ESYT3: variants seen among roughly 807,000 people sequenced by gnomAD.
ESYT3 encodes extended synaptotagmin-3.
Under a neutral mutation model 111.5 loss-of-function variants are expected in ESYT3, and 101 were observed. The observed-to-expected ratio is 0.91, with a 90% CI of 0.77 to 1.07. The LOEUF is 1.07. Among genes scored for constraint, ESYT3 ranks in the 50% least tolerant of loss-of-function variants. The pLI is 0.00. For missense variants in ESYT3, 1,097 were observed against 1,109.4 expected (o/e 0.99, Z 0.16); for synonymous variants, 416 against 446.8 (o/e 0.93, Z 0.87).
At chr3:138,474,184 T>C (rs761155411) in intron 19 of ESYT3, 37 bp from the exon 20 acceptor site, 40 of 572,744 alleles carry the variant, frequency 7.0e-5, no homozygotes, top group South Asian at 7.4e-5. Context: ...ACCAGGGCCC[T>C]TTTTTTTTTT....
chr3:138,463,500 G>C (rs1428777168), intron 8 of ESYT3, among the ~76,000 whole-genome samples: 1 of 152,216 alleles, frequency 6.6e-6, no homozygotes, highest in African/African-American at 2.4e-5. Context: ...TTCACTATGG[G>C]AATGTACTGA....
At position 138,440,554 on chromosome 3, in the gene ESYT3, G is replaced by C. The variant is rs1479693162; in HGVS notation, c.327+5429G>C. Among the ~76,000 whole-genome samples, 1 of 152,184 alleles carries C rather than the reference G, an allele frequency of 6.6e-6. No homozygotes were observed. Among genetic ancestry groups the C allele is most frequent in the Non-Finnish European group, 1.5e-5 (1 of 68,032 alleles). ...CGTGGAACCTGATTTTAAACATCAG[G>C]ACTGGTTGGGTGCTGCTTGGAATTA... On this transcript the variant is annotated intron_variant, in intron 1 of 22. Transcript: ENST00000389567. The surrounding 1 kb of genome is among the most constrained non-coding windows in gnomAD (Gnocchi z 4.2).
intron 22 of ESYT3, 135 bp from the exon 23 acceptor site, chr3:138,476,683 C>G: frequency 9.1e-7 from 1 of 1,097,378 alleles, no homozygotes; most frequent in Non-Finnish European, 1.4e-6. Context: ...ACCCTGAACC[C>G]TGGCTGGCCA....
intron 1 of ESYT3, among the ~76,000 whole-genome samples, chr3:138,443,377 C>T (rs1246442330): frequency 1.3e-5 from 2 of 152,212 alleles, no homozygotes; most frequent in African/African-American, 2.4e-5. Flanking sequence ...AAAAAAAGGA[C>T]AAAGTCTGCG....
chr3:138,471,669 G>A (rs1479743421), intron 17 of ESYT3, among the ~76,000 whole-genome samples: 1 of 152,174 alleles, frequency 6.6e-6, no homozygotes, highest in Admixed American at 6.5e-5. Context: ...GCAAACATAT[G>A]TTCAGTGTTC....
At chr3:138,456,087 T>C (rs1358517882) in intron 3 of ESYT3, among the ~76,000 whole-genome samples, 1 of 152,276 alleles carries the variant, frequency 6.6e-6, no homozygotes, top group Non-Finnish European at 1.5e-5. Flanking sequence ...CTGCCAGCCC[T>C]TCCTGGCTAG....
chr3:138,467,071 C>T (rs1376094707), intron 10 of ESYT3, among the ~76,000 whole-genome samples: 1 of 152,136 alleles, frequency 6.6e-6, no homozygotes, highest in Non-Finnish European at 1.5e-5. Context: ...ATCCAAACTA[C>T]ATCACATGCC....
In ESYT3 at chr3:138,435,207, G is replaced by A. The variant is rs1268897431; in HGVS notation, c.327+82G>A. The A allele has an allele frequency of 2.2e-6, 3 of 1,367,670 alleles. No individual in the cohort carries two copies. The highest frequency in any genetic ancestry group is 2.3e-5 in the Admixed American group (1 of 43,460). The allele number at this position is 1,367,670 out of a possible 1,614,324, so 84.7% of individuals were successfully genotyped here. Reference sequence around the variant, plus strand: ...AACTTGCGGTCAGCGGGGAGCTGGTGCGCGCAAACCCGAGGCAGGGCGGGA... The same window carrying A: ...AACTTGCGGTCAGCGGGGAGCTGGTACGCGCAAACCCGAGGCAGGGCGGGA... On this transcript the variant is annotated intron_variant, in intron 1 of 22. Coordinates refer to ENST00000389567, the MANE Select transcript of ESYT3 (RefSeq NM_031913.5). The surrounding 1 kb of genome is among the most constrained non-coding windows in gnomAD (Gnocchi z 4.8).
At chr3:138,481,184 G>T (rs1035260825), downstream of ESYT3, 1 of 152,148 alleles carries the variant, frequency 6.6e-6, no homozygotes, top group East Asian at 1.9e-4. Flanking sequence ...TTCATAACAC[G>T]CAAAGAGCAC....
intron 9 of ESYT3, 77 bp downstream of exon 9, chr3:138,464,592 C>T: frequency 6.7e-7 from 1 of 1,485,816 alleles, no homozygotes; most frequent in African/African-American, 1.4e-5. Context: ...CAACACTAGG[C>T]AGGGAGTGGG....
At chr3:138,449,381 C>T (rs1017951735) in intron 1 of ESYT3, among the ~76,000 whole-genome samples, 3 of 152,118 alleles carry the variant, frequency 2.0e-5, no homozygotes, top group South Asian at 2.1e-4. Flanking sequence ...ACATAGTTCC[C>T]GGCCTTGCTT....
intron 22 of ESYT3, 81 bp from the exon 23 acceptor site, chr3:138,476,737 C>G: frequency 7.2e-7 from 1 of 1,398,238 alleles, no homozygotes; most frequent in East Asian, 2.3e-5. Context: ...GAGGCCCAGG[C>G]AGGCAGGACT....
chr3:138,472,586 C>G lies in ESYT3; in HGVS notation c.1964C>G (p.Thr655Ser). 1 of 1,614,240 alleles carries G rather than the reference C, an allele frequency of 6.2e-7. No individual in the cohort carries two copies. ...ACCACCAGTGCTACCACCGTTGCCA[C>G]TGAGCCCACATCCCAAGAGACAGGC... is the stretch of plus-strand genomic sequence containing the variant. ...TTTTSATTVATEPTSQETGPE... is the reference protein window; with the variant it reads ...TTTTSATTVASEPTSQETGPE... The change falls in exon 18 of 23, where the codon ACT becomes AGT. Residue 655 changes from threonine (T) to serine (S), a missense_variant. Transcript: ENST00000389567.
Position 138,473,643 on chromosome 3 carries a change from A to T in ESYT3, c.2336+9A>T, listed in dbSNP as rs1199047881. 1 of 1,611,644 alleles carries T rather than the reference A, an allele frequency of 6.2e-7. No individual in the cohort carries two copies. Among genetic ancestry groups the T allele is most frequent in the Non-Finnish European group, 8.5e-7 (1 of 1,178,194 alleles). On this transcript the variant is annotated intron_variant, in intron 19 of 22. Coordinates refer to ENST00000389567, the MANE Select transcript of ESYT3 (RefSeq NM_031913.5). ...CTAATCAATGGCTGCAGGTAAAGGG[A>T]TTCTAGGGCCAGGGAGGTCCTTTGG...
chr3:138,448,933 T>G (rs1303128813), intron 1 of ESYT3, among the ~76,000 whole-genome samples: 3 of 151,990 alleles, frequency 2.0e-5, no homozygotes, highest in African/African-American at 7.3e-5. Flanking sequence ...TTGGACTGAA[T>G]TGTTGCTTTC....
intron 7 of ESYT3, 124 bp downstream of exon 7, chr3:138,460,790 G>GAA: frequency 9.1e-7 from 1 of 1,093,908 alleles, no homozygotes; most frequent in South Asian, 1.3e-5. Context: ...AGAGGGAGAA[G>GAA]CATTGGTCTG....
chr3:138,452,644 C>T (rs920820961), intron 2 of ESYT3, among the ~76,000 whole-genome samples: 3 of 152,146 alleles, frequency 2.0e-5, no homozygotes, highest in East Asian at 1.9e-4. Context: ...GACCCTTGGC[C>T]GAGCCCTCCC....
Position 138,473,594 on chromosome 3 carries a change from T to A in ESYT3, c.2296T>A (p.Cys766Ser). 6.2e-7 allele frequency: 1 copy of A among 1,613,886 alleles called. No individual in the cohort carries two copies. The highest frequency in any genetic ancestry group is 8.5e-7 in the Non-Finnish European group (1 of 1,179,846). The change falls in exon 19 of 23, where the codon TGT (cysteine) becomes AGT (serine). Residue 766 changes from cysteine (C) to serine (S), a missense_variant. Physicochemically the swap from Cys to Ser is moderately radical, Grantham distance 112. Coordinates refer to ENST00000389567, the MANE Select transcript of ESYT3 (RefSeq NM_031913.5). ...GATTCAGCTCACAGTGCGCTATGTG[T>A]GTCTGCGGCGCTGCCTCAGCGTGCT... is the stretch of plus-strand genomic sequence containing the variant. Reference protein sequence around the residue: ...GEIQLTVRYVCLRRCLSVLIN... With the variant: ...GEIQLTVRYVSLRRCLSVLIN...
rs1267782996 is a variant in ESYT3 at position 138,478,280 on chromosome 3, C to CT, written c.*1427dup. ...GTTGAACAGTAGGGAACAATTCAAG[C>CT]TACTTGAATTGTTTTTCACCCTCAC... On this transcript the variant is annotated 3_prime_UTR_variant, in exon 23 of 23. Coordinates refer to ENST00000389567, the MANE Select transcript of ESYT3 (RefSeq NM_031913.5). The CT allele has an allele frequency of 1.3e-5, 2 of 152,110 alleles. No individual in the cohort carries two copies. Among genetic ancestry groups the CT allele is most frequent in the African/African-American group, 4.8e-5 (2 of 41,428 alleles). The allele number at this position is 152,110 out of a possible 1,614,324, so 9.4% of individuals were successfully genotyped here.
Sources: allele counts gnomAD v4.1 joint callset (sites outside exome capture counted in the v4.1 genomes callset), GRCh38; gene constraint gnomAD v4.1.1; non-coding constraint Gnocchi (gnomAD v3.1); transcripts MANE v1.5; gene names NCBI Gene and HGNC (gene_info 2026-07-23, HGNC 2026-07-21).